The following ATXN2 variants were observed in gnomAD, a reference collection of about 807,000 sequenced individuals.
The protein encoded by ATXN2 is ataxin 2.
In ATXN2, 37 loss-of-function variants were observed where a neutral mutation model predicts 138.6. The observed-to-expected ratio is 0.27, with a 90% CI of 0.21 to 0.35. ATXN2 has a LOEUF of 0.35. Among genes scored for constraint, ATXN2 ranks in the 10% least tolerant of loss-of-function variants. ATXN2 has a pLI of 1.00. For missense variants in ATXN2, 1,216 were observed against 1,480.3 expected, an observed-to-expected ratio of 0.82 and a Z score of 2.93; for synonymous variants, 549 against 543.7, an observed-to-expected ratio of 1.01 and a Z score of -0.13.
intron 1 of ATXN2, among the ~76,000 whole-genome samples, chr12:111,568,012 G>A (rs936487484): frequency 5.9e-5 from 9 of 152,066 alleles, no homozygotes; most frequent in Non-Finnish European, 1.2e-4. Flanking sequence ...TGTAATCCCG[G>A]CACTTTGGGA....
chr12:111,558,487 C>T (rs1055810563), intron 1 of ATXN2, among the ~76,000 whole-genome samples: 1 of 152,076 alleles, frequency 6.6e-6, no homozygotes, highest in African/African-American at 2.4e-5. Flanking sequence ...ACTTAAAATG[C>T]CAGTCAAATT....
At chr12:111,508,437 A>G (rs1470381377) in intron 14 of ATXN2, among the ~76,000 whole-genome samples, 1 of 147,094 alleles carries the variant, frequency 6.8e-6, no homozygotes. Flanking sequence ...AACAAATTGA[A>G]AAACTTTTTT....
chr12:111,566,223 G>A (rs1396811376), intron 1 of ATXN2, among the ~76,000 whole-genome samples: 8 of 151,816 alleles, frequency 5.3e-5, no homozygotes, highest in Admixed American at 2.0e-4. Flanking sequence ...ACCTGAGATC[G>A]GGAGTTCAAG....
Position 111,598,713 on chromosome 12 carries a change from G to C in ATXN2, c.251+71C>G. On this transcript the variant is annotated intron_variant, in intron 1 of 24. Coordinates refer to ENST00000673436, the MANE Select transcript of ATXN2 (RefSeq NM_001372574.1). The surrounding 1 kb of genome is among the most constrained non-coding windows in gnomAD (Gnocchi z 4.5). Reference sequence around the variant, plus strand: ...GTAGCCCGGCGGGTCACGGGGCGGGGACGGCGGCGCGGGCCGCGGGGGAGG... The same window carrying C: ...GTAGCCCGGCGGGTCACGGGGCGGGCACGGCGGCGCGGGCCGCGGGGGAGG... 1 of 926,124 alleles carries C rather than the reference G, an allele frequency of 1.1e-6. No individual in the cohort carries two copies. The highest frequency in any genetic ancestry group is 5.3e-5 in the Admixed American group (1 of 18,916). 57.4% of individuals were successfully genotyped at this position (926,124 alleles called of 1,614,324 possible).
chr12:111,493,214 G>A (rs959536850), intron 14 of ATXN2, among the ~76,000 whole-genome samples: 1 of 152,052 alleles, frequency 6.6e-6, no homozygotes, highest in African/African-American at 2.4e-5. Flanking sequence ...GAGGTCAGGA[G>A]CTCAAGACCA....
At position 111,598,311 on chromosome 12, in the gene ATXN2, C is replaced by G. The variant is rs572451951; in HGVS notation, c.251+473G>C. On this transcript the variant is annotated intron_variant, in intron 1 of 24. Transcript: ENST00000673436. This position sits in a 1 kb window ranked among gnomAD's most constrained non-coding sequence, Gnocchi z 4.5. ...CACGGGGGACGCGGCCCTAACTTCT[C>G]CCCTCCAGAGATGTCCCCCATGGAG... 4.3e-5 allele frequency: 43 copies of G among 1,000,962 alleles called. No homozygotes were observed. In the South Asian group the frequency reaches 1.6e-3, roughly 37 times the overall value. 62.0% of individuals were successfully genotyped at this position (1,000,962 alleles called of 1,614,324 possible). A position where few individuals can be genotyped will look rare whatever the true frequency, so the allele number is the denominator to read the frequency against.
Position 111,509,992 on chromosome 12 carries a change from T to A in ATXN2, c.1763A>T (p.Asp588Val). 1.3e-6 allele frequency: 2 copies of A among 1,596,646 alleles called. No individual in the cohort carries two copies. The highest frequency in any genetic ancestry group is 2.3e-5 in the South Asian group (2 of 87,152). Reference protein sequence around the residue: ...RAVTPSSEAKDSRLQDQRQNS... With the variant: ...RAVTPSSEAKVSRLQDQRQNS... ...CTGCCTCTGATCTTGAAGCCTGGAA[T>A]CTTTAGCTAGAAAACAATTTTTTAA... The change falls in exon 13 of 25, where the codon GAT becomes GTT. Residue 588 changes from aspartate (D) to valine (V), a missense_variant. Physicochemically the swap from Asp to Val is radical, Grantham distance 152 (BLOSUM62 -3). Around this residue, in one of 4 missense-constraint regions of ATXN2, gnomAD observed 215 missense variants for 210.0 expected, o/e 1.02. Transcript: ENST00000673436.
intron 22 of ATXN2, among the ~76,000 whole-genome samples, chr12:111,456,897 A>C (rs546843461): frequency 6.6e-6 from 1 of 151,754 alleles, no homozygotes; most frequent in African/African-American, 2.4e-5. Context: ...ACAGGCGCCC[A>C]CCACCACGCC....
intron 5 of ATXN2, among the ~76,000 whole-genome samples, chr12:111,527,814 G>A (rs1054977650): frequency 6.6e-6 from 1 of 152,184 alleles, no homozygotes; most frequent in Non-Finnish European, 1.5e-5. Context: ...GCTACTGATG[G>A]CACTAGAAAT....
At position 111,570,329 on chromosome 12, in the gene ATXN2, G is replaced by A. The variant is rs767573192; in HGVS notation, c.252-14410C>T. 2.3e-4 allele frequency among the ~76,000 whole-genome samples: 35 copies of A among 152,214 alleles called. 1 individual carries two copies. The highest frequency in any genetic ancestry group is 4.9e-4 in the Non-Finnish European group (33 of 68,024). On this transcript the variant is annotated intron_variant, in intron 1 of 24. Coordinates refer to ENST00000673436, the MANE Select transcript of ATXN2 (RefSeq NM_001372574.1). Reference sequence around the variant, plus strand: ...GAGAGGGGAGTATAGCTGAAACAACGTTGGCCATTTACTGATAACTGCTAA... The same window carrying A: ...GAGAGGGGAGTATAGCTGAAACAACATTGGCCATTTACTGATAACTGCTAA...
intron 1 of ATXN2, among the ~76,000 whole-genome samples, chr12:111,576,307 G>C (rs182730840): frequency 6.6e-6 from 1 of 151,826 alleles, no homozygotes; most frequent in African/African-American, 2.4e-5. Context: ...AGTCAGGCAC[G>C]GTAGTGCACG....
intron 1 of ATXN2, among the ~76,000 whole-genome samples, chr12:111,584,997 T>C (rs955092946): frequency 1.3e-5 from 2 of 152,188 alleles, no homozygotes; most frequent in Non-Finnish European, 2.9e-5. Flanking sequence ...ACACTTCTTA[T>C]TCTTTTTCAT....
At chr12:111,482,695 T>C (rs551688296) in intron 18 of ATXN2, 3 of 152,112 alleles carry the variant, frequency 2.0e-5, no homozygotes, top group African/African-American at 7.2e-5. Context: ...ACCTTAACAC[T>C]ACATTAAAAT....
intron 21 of ATXN2, among the ~76,000 whole-genome samples, chr12:111,462,859 CT>C (rs1875682597): frequency 2.6e-5 from 4 of 152,218 alleles, no homozygotes; most frequent in African/African-American, 9.6e-5. Context: ...ATAGTTTCCC[CT>C]TTAATAGTAT....
At position 111,457,224 on chromosome 12, in the gene ATXN2, C is replaced by G. The variant is rs1188876797; in HGVS notation, c.3032G>C (p.Ser1011Thr). 5 of 1,613,484 alleles carry G rather than the reference C, an allele frequency of 3.1e-6. No homozygotes were observed. The African/African-American group carries it at 6.7e-5, about 22-fold the overall frequency. The part of the protein sequence containing the change: ...SQHGGSHPAP[S>T]PVQHHQHQAA... ...CTGAGTTGCCCTTACCTGAACAGGA[C>G]TGGGTGCAGGATGACTTCCACCATG... The change falls in exon 22 of 25, where the codon AGT becomes ACT. Residue 1011 changes from serine to threonine, a missense_variant. Coordinates refer to ENST00000673436, the MANE Select transcript of ATXN2 (RefSeq NM_001372574.1).
intron 1 of ATXN2, among the ~76,000 whole-genome samples, chr12:111,561,055 G>A: frequency 6.6e-6 from 1 of 151,866 alleles, no homozygotes; most frequent in East Asian, 1.9e-4. Context: ...CGTGGTGGCA[G>A]GCACCTGTAG....
At chr12:111,466,652 A>G (rs1876049192) in intron 20 of ATXN2, among the ~76,000 whole-genome samples, 2 of 152,356 alleles carry the variant, frequency 1.3e-5, no homozygotes, top group Middle Eastern at 6.8e-3. Flanking sequence ...TGTATTAAAC[A>G]TACTAAAAAT....
chr12:111,581,443 G>A, intron 1 of ATXN2: 2 of 810,972 alleles, frequency 2.5e-6, no homozygotes, highest in Admixed American at 1.7e-5. Context: ...ACTATGAGAT[G>A]CTCAAGGAGG....
intron 18 of ATXN2, among the ~76,000 whole-genome samples, chr12:111,474,225 A>C (rs1876632832): frequency 6.6e-6 from 1 of 152,024 alleles, no homozygotes; most frequent in African/African-American, 2.4e-5. Flanking sequence ...TGTCTCAAAA[A>C]ACAAACAAAC....
Sources: allele counts gnomAD v4.1 joint callset (sites outside exome capture counted in the v4.1 genomes callset), GRCh38; gene constraint gnomAD v4.1.1; regional missense constraint gnomAD v4.1.1; non-coding constraint Gnocchi (gnomAD v3.1); transcripts MANE v1.5; gene names NCBI Gene and HGNC (gene_info 2026-07-23, HGNC 2026-07-21).